CALCR: variants seen among roughly 807,000 people sequenced by gnomAD.
CALCR encodes calcitonin receptor.
CALCR carries 47 observed loss-of-function variants against 59.5 expected under a neutral mutation model. That is an observed-to-expected ratio of 0.79 (90% CI 0.63 to 1.01). CALCR has a LOEUF of 1.01. CALCR is among the 50% of genes least tolerant of loss of function. The probability of loss-of-function intolerance (pLI) is 0.00; values close to 1 mark genes in which losing one functional copy is unlikely to be tolerated. For synonymous variants in CALCR, 213 were observed against 211.3 expected, an observed-to-expected ratio of 1.01 and a Z score of -0.07; for missense variants, 566 against 597.1, an observed-to-expected ratio of 0.95 and a Z score of 0.54.
intron 2 of CALCR, among the ~76,000 whole-genome samples, chr7:93,519,968 G>A (rs938423264): frequency 1.3e-5 from 2 of 151,826 alleles, no homozygotes; most frequent in African/African-American, 4.8e-5. Flanking sequence ...CCCAGTCTTG[G>A]GAAATTCTTT....
chr7:93,426,398 C>T lies in CALCR; in HGVS notation c.1383G>A (p.Glu461=), dbSNP rs756227729. 1.2e-6 allele frequency: 2 copies of T among 1,613,366 alleles called. No homozygotes were observed. The highest frequency in any genetic ancestry group is 2.2e-5 in the South Asian group (2 of 91,052). ...GCTCTATGATATTCAAAGGGATGAT[C>T]TCAGCACTCTCCTCGCCTTGGTTGT... ...PANNQGEESA[E]IIPLNIIEQE... is the part of the protein sequence containing the mutation. The change falls in exon 14 of 14, where the codon GAG becomes GAA. Residue 461 remains glutamate, a synonymous_variant. Transcript: ENST00000426151.
At chr7:93,457,575 T>C (rs1440287166) in intron 8 of CALCR, among the ~76,000 whole-genome samples, 1 of 152,142 alleles carries the variant, frequency 6.6e-6, no homozygotes, top group Non-Finnish European at 1.5e-5. Flanking sequence ...TGCTCCCAGA[T>C]CAATGTAGTT....
At chr7:93,554,826 A>G (rs1004593081) in intron 2 of CALCR, among the ~76,000 whole-genome samples, 4 of 144,410 alleles carry the variant, frequency 2.8e-5, no homozygotes, top group Non-Finnish European at 6.0e-5. Flanking sequence ...AGTACACAAT[A>G]TCACTATTTG....
chr7:93,525,846 G>C (rs554700421), intron 2 of CALCR, among the ~76,000 whole-genome samples: 61 of 152,222 alleles, frequency 4.0e-4, no homozygotes, highest in African/African-American at 1.4e-3. Flanking sequence ...ATTTAAAAGT[G>C]ACTGATTTTG....
chr7:93,486,185 G>T (rs982777205), intron 3 of CALCR, among the ~76,000 whole-genome samples: 1 of 151,450 alleles, frequency 6.6e-6, no homozygotes, highest in Admixed American at 6.6e-5. Context: ...AAGAAGCAAG[G>T]CAGCTCCACA....
At chr7:93,490,386 T>G (rs1158009097) in intron 2 of CALCR, among the ~76,000 whole-genome samples, 1 of 151,852 alleles carries the variant, frequency 6.6e-6, no homozygotes, top group Non-Finnish European at 1.5e-5. Context: ...CAACATGGTA[T>G]TGGAAATTCT....
chr7:93,498,953 G>A (rs1801266601), intron 2 of CALCR, among the ~76,000 whole-genome samples: 1 of 151,400 alleles, frequency 6.6e-6, no homozygotes, highest in South Asian at 2.1e-4. Flanking sequence ...AAAAATAGTG[G>A]GCAAAGGAAT....
chr7:93,506,061 G>C (rs1489055664), intron 2 of CALCR, among the ~76,000 whole-genome samples: 1 of 152,082 alleles, frequency 6.6e-6, no homozygotes, highest in Non-Finnish European at 1.5e-5. Context: ...TCCCACTCAG[G>C]TGTCCCTCTC....
intron 9 of CALCR, chr7:93,441,660 GTGATAGCCTGAT>G (rs1490315461): frequency 5.0e-6 from 2 of 403,374 alleles, no homozygotes; most frequent in African/African-American, 4.2e-5. Flanking sequence ...CAGCAGGATA[GTGATAGCCTGAT>G]TTCTAACCTC....
At chr7:93,469,225 G>C (rs1800502722) in intron 6 of CALCR, among the ~76,000 whole-genome samples, 1 of 151,696 alleles carries the variant, frequency 6.6e-6, no homozygotes, top group Non-Finnish European at 1.5e-5. Flanking sequence ...AGAGGGTCCA[G>C]AGAGTATGGT....
chr7:93,541,145 A>G (rs1236048562), intron 2 of CALCR, among the ~76,000 whole-genome samples: 1 of 152,142 alleles, frequency 6.6e-6, no homozygotes, highest in Non-Finnish European at 1.5e-5. Context: ...ATCAAAGTCA[A>G]ATTATGACTT....
chr7:93,426,321 G>T lies in CALCR; in HGVS notation c.*35C>A. 8.6e-7 allele frequency: 1 copy of T among 1,160,414 alleles called. No individual in the cohort carries two copies. The highest frequency in any genetic ancestry group is 1.2e-5 in the South Asian group (1 of 81,322). 71.9% of individuals were successfully genotyped at this position (1,160,414 alleles called of 1,614,324 possible). On this transcript the variant is annotated 3_prime_UTR_variant, in exon 14 of 14. Coordinates refer to ENST00000426151, the MANE Select transcript of CALCR (RefSeq NM_001742.4). ...CATGGTCTTTCTCCCAGGAAATGATGGCTCAGTGATCACGATGCTGTGTTT... is the reference window on the plus strand; with the variant it reads ...CATGGTCTTTCTCCCAGGAAATGATTGCTCAGTGATCACGATGCTGTGTTT...
intron 2 of CALCR, among the ~76,000 whole-genome samples, chr7:93,529,250 G>A (rs936935621): frequency 4.6e-5 from 7 of 152,134 alleles, no homozygotes; most frequent in Admixed American, 1.3e-4. Flanking sequence ...ATGAGTTCTT[G>A]TGAGATCCAG....
At chr7:93,452,400 C>T (rs1008492659) in intron 8 of CALCR, among the ~76,000 whole-genome samples, 5 of 151,912 alleles carry the variant, frequency 3.3e-5, no homozygotes, top group African/African-American at 1.2e-4. Flanking sequence ...AGTTGATAAA[C>T]TAAGGGACAA....
intron 8 of CALCR, among the ~76,000 whole-genome samples, chr7:93,447,366 C>T (rs1027180085): frequency 3.3e-5 from 5 of 152,080 alleles, no homozygotes; most frequent in Admixed American, 2.6e-4. Context: ...ATCTACATAA[C>T]ATAGGAAATC....
At chr7:93,468,549 C>A (rs991731040) in intron 7 of CALCR, among the ~76,000 whole-genome samples, 166 bp downstream of exon 7, 1 of 151,744 alleles carries the variant, frequency 6.6e-6, no homozygotes, top group Non-Finnish European at 1.5e-5. Context: ...GGATTAAAAG[C>A]ATATTTAAAT....
At chr7:93,558,854 A>C (rs1789672392) in intron 2 of CALCR, among the ~76,000 whole-genome samples, 2 of 152,138 alleles carry the variant, frequency 1.3e-5, no homozygotes, top group Admixed American at 6.6e-5. Context: ...CAACAGCAAC[A>C]AAATGACCTG....
At chr7:93,563,515 A>G (rs929868032) in intron 2 of CALCR, among the ~76,000 whole-genome samples, 1 of 152,216 alleles carries the variant, frequency 6.6e-6, no homozygotes, top group African/African-American at 2.4e-5. Context: ...TTTATGAATG[A>G]GATGTCAACC....
chr7:93,434,129 A>C, intron 13 of CALCR, 124 bp downstream of exon 13: 1 of 730,676 alleles, frequency 1.4e-6, no homozygotes, highest in Non-Finnish European at 2.5e-6. Flanking sequence ...TCATGTTGCT[A>C]ATCACAAAAC....
Sources: gnomAD v4.1 joint callset for allele counts (sites outside exome capture counted in the v4.1 genomes callset) on GRCh38, gnomAD v4.1.1 for gene constraint, MANE v1.5 for transcripts, NCBI Gene and HGNC (gene_info 2026-07-23, HGNC 2026-07-21) for gene names.